Variants in MARCHF10 observed in about 807,000 individuals in gnomAD.
MARCHF10 encodes membrane associated ring-CH-type finger 10, also known as probable E3 ubiquitin-protein ligase MARCHF10.
In MARCHF10, 64 loss-of-function variants were observed where a neutral mutation model predicts 76.2. The ratio of observed to expected loss-of-function variants is 0.84; its 90% CI spans 0.69 to 1.03. The LOEUF is 1.03. Ranked by LOEUF, MARCHF10 falls within the 50% of genes least tolerant of loss-of-function variation. The pLI is 0.00. For missense variants in MARCHF10, 875 were observed against 958.0 expected, an observed-to-expected ratio of 0.91 and a Z score of 1.14; for synonymous variants, 340 against 357.5, an observed-to-expected ratio of 0.95 and a Z score of 0.55.
intron 8 of MARCHF10, chr17:62,714,518 G>T: frequency 1.7e-6 from 1 of 572,912 alleles, no homozygotes; most frequent in Non-Finnish European, 2.2e-6. Flanking sequence ...CATCTGTCTT[G>T]TTTGCTCCTG....
intron 8 of MARCHF10, among the ~76,000 whole-genome samples, chr17:62,716,759 G>C (rs1400134590): frequency 1.3e-5 from 2 of 152,114 alleles, no homozygotes; most frequent in African/African-American, 4.8e-5. Context: ...TTAGTTTGAG[G>C]TTAAGTGAGA....
intron 1 of MARCHF10, among the ~76,000 whole-genome samples, chr17:62,803,169 G>A (rs1230925098): frequency 6.6e-6 from 1 of 150,904 alleles, no homozygotes; most frequent in Non-Finnish European, 1.5e-5. Flanking sequence ...CATGCCTATA[G>A]TCCTACCTAC....
At chr17:62,709,598 G>A (rs537544962) in intron 9 of MARCHF10, among the ~76,000 whole-genome samples, 1 of 152,274 alleles carries the variant, frequency 6.6e-6, no homozygotes, top group East Asian at 1.9e-4. Flanking sequence ...TGAAGGAGAG[G>A]GAAGGAGGGC....
intron 2 of MARCHF10, among the ~76,000 whole-genome samples, chr17:62,796,173 T>G (rs1476402971): frequency 6.6e-6 from 1 of 152,024 alleles, no homozygotes; most frequent in Non-Finnish European, 1.5e-5. Flanking sequence ...CCGTCTAGTT[T>G]TTGTATTTTT....
chr17:62,724,657 C>G (rs2090661735), intron 7 of MARCHF10, among the ~76,000 whole-genome samples: 1 of 152,126 alleles, frequency 6.6e-6, no homozygotes, highest in South Asian at 2.1e-4. Flanking sequence ...AGGCCTCAAG[C>G]AGAGGTAGAA....
chr17:62,736,692 G>C lies in MARCHF10; in HGVS notation c.1176C>G (p.Gly392=), dbSNP rs201478698. The change falls in exon 6 of 11, where the codon GGC becomes GGG. Residue 392 remains glycine (G), a synonymous_variant. Transcript: ENST00000311269. ...GAGGGCTCTTTTTCGCATTTTCACTGCCACCTCTGTCCTTCTCTGTAGCAG... is the reference window on the plus strand; with the variant it reads ...GAGGGCTCTTTTTCGCATTTTCACTCCCACCTCTGTCCTTCTCTGTAGCAG... ...RESATEKDRG[G]SENAKKSPLS... is the part of the protein sequence containing the mutation. 12 of 1,614,056 alleles carry C rather than the reference G, an allele frequency of 7.4e-6. No individual in the cohort carries two copies. In the South Asian group the frequency reaches 1.3e-4, roughly 18 times the overall value.
rs758871488 is a variant in MARCHF10 at position 62,736,267 on chromosome 17, T to G, written c.1601A>C (p.Asn534Thr). ...CCTGACAGCAAATTCGTGTGCACTG[T>G]TTACTGGGAAATAATTATGGTTTTC... is the stretch of plus-strand genomic sequence containing the variant. ...SAENHNYFPV[N>T]SAHEFAVREA... Residue 534 changes from asparagine to threonine, a missense_variant, in exon 6 of 11, where the codon AAC becomes ACC. Physicochemically the swap from Asn to Thr is moderately conservative, Grantham distance 65. Transcript: ENST00000311269. The G allele has an allele frequency of 1.2e-6, 2 of 1,614,150 alleles. No homozygotes were observed. The highest frequency in any genetic ancestry group is 3.3e-5 in the Admixed American group (2 of 60,024).
At chr17:62,784,042 GAT>G (rs1416813779) in intron 3 of MARCHF10, among the ~76,000 whole-genome samples, 2 of 152,172 alleles carry the variant, frequency 1.3e-5, no homozygotes, top group Admixed American at 1.3e-4. Context: ...ACATCATCCT[GAT>G]ACCAAAGCCT....
intron 3 of MARCHF10, among the ~76,000 whole-genome samples, chr17:62,773,072 G>A (rs1192070578): frequency 2.0e-5 from 3 of 152,188 alleles, no homozygotes; most frequent in South Asian, 4.1e-4. Flanking sequence ...TGCGGCCAAA[G>A]AGGTTTGCGG....
intron 10 of MARCHF10, among the ~76,000 whole-genome samples, 172 bp from the exon 11 acceptor site, chr17:62,701,930 C>T (rs558487726): frequency 2.0e-5 from 3 of 152,266 alleles, no homozygotes; most frequent in South Asian, 2.1e-4. Flanking sequence ...AGTCTGGGGC[C>T]GGGGAATCCA....
rs1331615590 is a variant in MARCHF10, at chr17:62,788,507, C to G, written c.183G>C (p.Arg61=). 2 of 1,614,016 alleles carry G rather than the reference C, an allele frequency of 1.2e-6. No homozygotes were observed. The highest frequency in any genetic ancestry group is 1.7e-6 in the Non-Finnish European group (2 of 1,180,012). Residue 61 remains arginine, a synonymous_variant, in exon 3 of 11, where the codon CGG becomes CGC. Coordinates refer to ENST00000311269, the MANE Select transcript of MARCHF10 (RefSeq NM_152598.4). ...GTTTGGAAGATGACCTGCTAGAAAA[C>G]CGGGATCTCTCAAAACTTGTCTCTT... ...WGQETSFERS[R]FSSRSSSKQS... is the part of the protein sequence containing the mutation.
intron 9 of MARCHF10, chr17:62,707,581 A>ACGTGTC (rs2089668470): frequency 6.6e-6 from 1 of 152,276 alleles, no homozygotes; most frequent in South Asian, 2.1e-4. Flanking sequence ...AAGCATTGGC[A>ACGTGTC]CGTGTCCGCG....
chr17:62,787,566 T>A (rs1423035178), intron 3 of MARCHF10, among the ~76,000 whole-genome samples: 1 of 152,198 alleles, frequency 6.6e-6, no homozygotes, highest in African/African-American at 2.4e-5. Flanking sequence ...TAAGTTAAAT[T>A]ATTAGATAAG....
At chr17:62,701,806 G>A in intron 10 of MARCHF10, 48 bp from the exon 11 acceptor site, 1 of 1,612,098 alleles carries the variant, frequency 6.2e-7, no homozygotes, top group East Asian at 2.2e-5. Context: ...AGCAGACCGT[G>A]GGTCTGTTAC....
At chr17:62,713,079 C>T (rs1434477975) in intron 8 of MARCHF10, among the ~76,000 whole-genome samples, 3 of 152,136 alleles carry the variant, frequency 2.0e-5, no homozygotes, top group Non-Finnish European at 2.9e-5. Flanking sequence ...TCCTGCCCTC[C>T]CCGTGAGTCT....
intron 4 of MARCHF10, among the ~76,000 whole-genome samples, chr17:62,758,905 G>C (rs912212464): frequency 1.3e-5 from 2 of 152,196 alleles, no homozygotes; most frequent in Non-Finnish European, 2.9e-5. Flanking sequence ...AATCAAGTTT[G>C]TCTTATAGCT....
At position 62,746,908 on chromosome 17, in the gene MARCHF10, C is replaced by T. The variant is rs1156861757; in HGVS notation, c.383-2380G>A. 8 of 1,536,036 alleles carry T rather than the reference C, an allele frequency of 5.2e-6. No individual in the cohort carries two copies. In the Admixed American group the frequency reaches 1.6e-4, roughly 30 times the overall value. On this transcript the variant is annotated intron_variant, in intron 4 of 10. Coordinates refer to ENST00000311269, the MANE Select transcript of MARCHF10 (RefSeq NM_152598.4). ...TTCTGCTCATGGGACCTTTCTTCCCCAGACTGCACCAGCCAGAAGGTCCTC... is the reference window on the plus strand; with the variant it reads ...TTCTGCTCATGGGACCTTTCTTCCCTAGACTGCACCAGCCAGAAGGTCCTC...
chr17:62,732,713 C>A (rs1205352916), intron 6 of MARCHF10, among the ~76,000 whole-genome samples: 1 of 152,022 alleles, frequency 6.6e-6, no homozygotes, highest in Non-Finnish European at 1.5e-5. Context: ...GAAGATGGGG[C>A]CGGGCACGGT....
intron 4 of MARCHF10, among the ~76,000 whole-genome samples, chr17:62,757,444 C>T (rs936313958): frequency 8.5e-5 from 13 of 152,344 alleles, no homozygotes; most frequent in Non-Finnish European, 1.3e-4. Flanking sequence ...AAAACTGTCA[C>T]GACTGCCACT....
Sources: allele counts gnomAD v4.1 joint callset (sites outside exome capture counted in the v4.1 genomes callset), GRCh38; gene constraint gnomAD v4.1.1; transcripts MANE v1.5; gene names NCBI Gene and HGNC (gene_info 2026-07-23, HGNC 2026-07-21).